DNAAF11: variants seen among roughly 807,000 people sequenced by gnomAD.
The protein encoded by DNAAF11 is dynein axonemal assembly factor 11, also known as leucine rich repeat containing 6.
A neutral mutation model predicts 60.8 loss-of-function variants in DNAAF11; 45 were observed. The observed-to-expected ratio is 0.74, with a 90% confidence interval of 0.58 to 0.95. DNAAF11 has a LOEUF of 0.95. DNAAF11 is among the 40% of genes least tolerant of loss of function. The probability of loss-of-function intolerance (pLI) is 0.00; values close to 1 mark genes in which losing one functional copy is unlikely to be tolerated. For synonymous variants in DNAAF11, 191 were observed against 183.5 expected (o/e 1.04, Z -0.33); for missense variants, 546 against 546.2 (o/e 1.00, Z 0.00).
intron 1 of DNAAF11, among the ~76,000 whole-genome samples, chr8:132,663,463 C>A (rs561901376): frequency 6.6e-6 from 1 of 152,182 alleles, no homozygotes; most frequent in East Asian, 1.9e-4. Flanking sequence ...TATAAGAATT[C>A]TCTTAGCAAG....
intron 4 of DNAAF11, among the ~76,000 whole-genome samples, chr8:132,637,113 G>C (rs189174958): frequency 6.6e-6 from 1 of 152,096 alleles, no homozygotes; most frequent in African/African-American, 2.4e-5. Flanking sequence ...AAAATTACTC[G>C]ATTGGGGGGA....
chr8:132,644,778 C>T (rs1822204243), intron 3 of DNAAF11, among the ~76,000 whole-genome samples: 1 of 152,186 alleles, frequency 6.6e-6, no homozygotes, highest in South Asian at 2.1e-4. Context: ...GGCAGCAAGG[C>T]TGGGGGAGGG....
At chr8:132,588,171 TA>T (rs1162615199) in intron 10 of DNAAF11, among the ~76,000 whole-genome samples, 1 of 152,232 alleles carries the variant, frequency 6.6e-6, no homozygotes, top group African/African-American at 2.4e-5. Context: ...TTCAACTTAA[TA>T]TTTAAGTGAA....
chr8:132,605,358 GA>G (rs1291210669), intron 10 of DNAAF11, among the ~76,000 whole-genome samples: 1 of 152,138 alleles, frequency 6.6e-6, no homozygotes, highest in African/African-American at 2.4e-5. Flanking sequence ...GGCGGAATTT[GA>G]GAAACTCATT....
At chr8:132,631,445 T>C (rs980965189) in intron 5 of DNAAF11, among the ~76,000 whole-genome samples, 24 of 152,212 alleles carry the variant, frequency 1.6e-4, no homozygotes, top group Admixed American at 1.5e-3. Context: ...AATGAATTAG[T>C]TTTGCATGTC....
the DNAAF11 span, chr8:132,687,732 A>G: frequency 2.2e-6 from 1 of 455,210 alleles, no homozygotes; most frequent in Admixed American, 2.4e-5. Flanking sequence ...CCTGAACTCA[A>G]ATCTGCCTGA....
chr8:132,651,470 T>G (rs1449128461), intron 3 of DNAAF11, among the ~76,000 whole-genome samples: 3 of 151,722 alleles, frequency 2.0e-5, no homozygotes, highest in Admixed American at 6.6e-5. Context: ...ATTCCCACTA[T>G]CCCCCTCCAC....
chr8:132,698,892 T>G, the DNAAF11 span, among the ~76,000 whole-genome samples: 1 of 150,880 alleles, frequency 6.6e-6, no homozygotes, highest in Admixed American at 6.6e-5. Flanking sequence ...GCCAGCCTGG[T>G]GAACATGGCG....
chr8:132,694,504 T>C, the DNAAF11 span, among the ~76,000 whole-genome samples: 1 of 152,166 alleles, frequency 6.6e-6, no homozygotes, highest in Non-Finnish European at 1.5e-5. Flanking sequence ...CCTCCGTAAC[T>C]GTGAGAAAAT....
At chr8:132,612,155 T>C (rs906025308) in intron 8 of DNAAF11, among the ~76,000 whole-genome samples, 1 of 152,128 alleles carries the variant, frequency 6.6e-6, no homozygotes, top group Admixed American at 6.5e-5. Flanking sequence ...TGGGACCACA[T>C]TCCTTAACCT....
At chr8:132,683,537 C>T in the DNAAF11 span, among the ~76,000 whole-genome samples, 2 of 152,118 alleles carry the variant, frequency 1.3e-5, no homozygotes, top group African/African-American at 4.8e-5. Context: ...CTTATTTGCC[C>T]CTCAGTTTAG....
chr8:132,646,245 A>C (rs1275867450), intron 3 of DNAAF11, among the ~76,000 whole-genome samples: 1 of 152,212 alleles, frequency 6.6e-6, no homozygotes, highest in African/African-American at 2.4e-5. Context: ...TAAGCTTCAT[A>C]AGTGAAGGAG....
In DNAAF11 at chr8:132,656,853, A is replaced by T; in HGVS notation, c.233T>A (p.Ile78Asn). The T allele has an allele frequency of 7.3e-7, 1 of 1,363,606 alleles. No individual in the cohort carries two copies. Among genetic ancestry groups the T allele is most frequent in the Non-Finnish European group, 1.0e-6 (1 of 971,904 alleles). The allele number at this position is 1,363,606 out of a possible 1,614,324, so 84.5% of individuals were successfully genotyped here. ...LEYLNLALNN[I>N]EKIENLEGCE... ...ACCTTCCAAGTTTTCTATTTTTTCAATGTTGTTTAAAGCTAAATTCAAATA... is the reference window on the plus strand; with the variant it reads ...ACCTTCCAAGTTTTCTATTTTTTCATTGTTGTTTAAAGCTAAATTCAAATA... Residue 78 changes from isoleucine to asparagine, a missense_variant, in exon 3 of 12, where the codon ATT becomes AAT. Transcript: ENST00000620350.
At chr8:132,688,689 G>T in the DNAAF11 span, among the ~76,000 whole-genome samples, 2 of 152,154 alleles carry the variant, frequency 1.3e-5, no homozygotes, top group South Asian at 2.1e-4. Flanking sequence ...CAACATATGG[G>T]AGAGAAGAAC....
chr8:132,631,466 T>TA (rs1820787036), intron 5 of DNAAF11, among the ~76,000 whole-genome samples: 2 of 152,336 alleles, frequency 1.3e-5, no homozygotes, highest in African/African-American at 4.8e-5. Flanking sequence ...TTCATGTGCG[T>TA]AAATCTCAAA....
chr8:132,660,534 A>C (rs1824032894), intron 2 of DNAAF11, among the ~76,000 whole-genome samples: 1 of 152,100 alleles, frequency 6.6e-6, no homozygotes, highest in Non-Finnish European at 1.5e-5. Flanking sequence ...GGTGCTGGGG[A>C]TTCTCCTTCT....
the DNAAF11 span, among the ~76,000 whole-genome samples, chr8:132,691,390 C>G: frequency 6.6e-6 from 1 of 152,176 alleles, no homozygotes; most frequent in Admixed American, 6.5e-5. Flanking sequence ...CACTACAAGA[C>G]AGCCCAGGCT....
the DNAAF11 span, among the ~76,000 whole-genome samples, chr8:132,692,026 T>C: frequency 6.6e-6 from 1 of 152,148 alleles, no homozygotes; most frequent in South Asian, 2.1e-4. Flanking sequence ...TGATGTAATA[T>C]AATTTACTTT....
Position 132,661,623 on chromosome 8 carries a change from T to G in DNAAF11, c.15A>C (p.Thr5=). The change falls in exon 2 of 12, where the codon ACA becomes ACC. Residue 5 remains threonine (T), a synonymous_variant. Transcript: ENST00000620350. Reference sequence around the variant, plus strand: ...CAGCATTCCGTCTAATAAGATCTTCTGTGACTGGAAGAAAATGTGTTACAT... The same window carrying G: ...CAGCATTCCGTCTAATAAGATCTTCGGTGACTGGAAGAAAATGTGTTACAT... MGWI[T]EDLIRRNAEH... 6.2e-7 allele frequency: 1 copy of G among 1,613,790 alleles called. No individual in the cohort carries two copies.
Sources: allele counts gnomAD v4.1 joint callset (sites outside exome capture counted in the v4.1 genomes callset), GRCh38; gene constraint gnomAD v4.1.1; transcripts MANE v1.5; gene names NCBI Gene and HGNC (gene_info 2026-07-23, HGNC 2026-07-21).